MTUS2: variants seen among roughly 807,000 people sequenced by gnomAD.
MTUS2 encodes the protein microtubule-associated tumor suppressor candidate 2.
In MTUS2, 40 loss-of-function variants were observed where a neutral mutation model predicts 114.1. The ratio of observed to expected loss-of-function variants is 0.35; its 90% CI spans 0.27 to 0.46. The LOEUF (loss-of-function observed/expected upper bound fraction) is 0.46, where lower values mean the gene tolerates loss of function less well. Ranked by LOEUF, MTUS2 falls within the 20% of genes least tolerant of loss-of-function variation. MTUS2 has a pLI of 1.00. For synonymous variants in MTUS2, 688 were observed against 672.0 expected (o/e 1.02, Z -0.37); for missense variants, 1,679 against 1,705.4 (o/e 0.98, Z 0.27).
chr13:29,038,832 G>C (rs1887204602), intron 4 of MTUS2, among the ~76,000 whole-genome samples: 1 of 152,216 alleles, frequency 6.6e-6, no homozygotes, highest in Admixed American at 6.5e-5. Flanking sequence ...TGGTGGCTTT[G>C]TTTACACTGT....
At chr13:29,216,537 T>C (rs1178678086) in intron 5 of MTUS2, among the ~76,000 whole-genome samples, 1 of 152,046 alleles carries the variant, frequency 6.6e-6, no homozygotes, top group Non-Finnish European at 1.5e-5. Context: ...GGTCTGTGGG[T>C]TGAAAAAACT....
chr13:28,966,440 G>A (rs759540746), intron 2 of MTUS2, among the ~76,000 whole-genome samples: 4 of 152,010 alleles, frequency 2.6e-5, no homozygotes, highest in Admixed American at 6.6e-5. Flanking sequence ...ATTGGCTATC[G>A]GCTGGGTGCA....
intron 2 of MTUS2, among the ~76,000 whole-genome samples, chr13:28,851,838 G>T (rs1876295516): frequency 6.6e-6 from 1 of 152,100 alleles, no homozygotes; most frequent in Admixed American, 6.5e-5. Context: ...GCTTGGCCTG[G>T]GGCACCGCTT....
chr13:29,042,087 A>G (rs1223578815), intron 4 of MTUS2, among the ~76,000 whole-genome samples: 1 of 152,128 alleles, frequency 6.6e-6, no homozygotes, highest in Non-Finnish European at 1.5e-5. Flanking sequence ...ATTCAGTATA[A>G]TGTTGGCTGT....
intron 5 of MTUS2, among the ~76,000 whole-genome samples, chr13:29,113,507 G>C (rs898879464): frequency 6.6e-6 from 1 of 152,130 alleles, no homozygotes; most frequent in African/African-American, 2.4e-5. Flanking sequence ...CTCTTGATAC[G>C]GTAGCCACTA....
intron 5 of MTUS2, among the ~76,000 whole-genome samples, chr13:29,218,079 C>A (rs999088999): frequency 6.6e-6 from 1 of 151,882 alleles, no homozygotes; most frequent in Admixed American, 6.6e-5. Flanking sequence ...ATTGTGCCGT[C>A]ATACTCCAGC....
At chr13:29,478,888 G>A (rs375400170) in intron 9 of MTUS2, among the ~76,000 whole-genome samples, 8 of 152,312 alleles carry the variant, frequency 5.3e-5, no homozygotes, top group African/African-American at 1.9e-4. Context: ...CTTCACACAA[G>A]GGCAAGGTGC....
At chr13:29,231,872 A>C (rs1896338000) in intron 5 of MTUS2, among the ~76,000 whole-genome samples, 1 of 152,178 alleles carries the variant, frequency 6.6e-6, no homozygotes, top group Admixed American at 6.5e-5. Flanking sequence ...CACCTAACAT[A>C]TTTTTACATG....
At chr13:29,172,221 G>A (rs748489356) in intron 5 of MTUS2, among the ~76,000 whole-genome samples, 1 of 152,194 alleles carries the variant, frequency 6.6e-6, no homozygotes, top group Non-Finnish European at 1.5e-5. Flanking sequence ...TCAGTTTACT[G>A]AGCCTCAATC....
chr13:29,225,909 C>T (rs1165519063), intron 5 of MTUS2, among the ~76,000 whole-genome samples: 1 of 152,016 alleles, frequency 6.6e-6, no homozygotes, highest in Non-Finnish European at 1.5e-5. Context: ...AGAAATTGCG[C>T]CTTCTCTTTA....
At chr13:29,346,260 C>T (rs111828451) in intron 7 of MTUS2, among the ~76,000 whole-genome samples, 11,280 of 152,124 alleles carry the variant, frequency 0.074, 1,408 homozygotes, top group African/African-American at 0.26. Context: ...GGCCATAGAG[C>T]TCCCAAGAGA....
chr13:29,324,306 TC>T (rs958431164), intron 6 of MTUS2, among the ~76,000 whole-genome samples: 3 of 152,122 alleles, frequency 2.0e-5, no homozygotes, highest in Non-Finnish European at 4.4e-5. Flanking sequence ...AAATTTTAAT[TC>T]CCAGATAGTT....
At chr13:28,988,094 T>C (rs544443501) in intron 2 of MTUS2, among the ~76,000 whole-genome samples, 1 of 152,324 alleles carries the variant, frequency 6.6e-6, no homozygotes, top group African/African-American at 2.4e-5. Context: ...TTACAGCCAA[T>C]GTTGAAAAGG....
chr13:28,898,130 A>G (rs547736248), intron 2 of MTUS2, among the ~76,000 whole-genome samples: 1 of 152,258 alleles, frequency 6.6e-6, no homozygotes, highest in East Asian at 1.9e-4. Context: ...GAACAGCTGT[A>G]TAATTTGGAG....
chr13:29,231,603 A>G (rs1464354153), intron 5 of MTUS2, among the ~76,000 whole-genome samples: 2 of 152,222 alleles, frequency 1.3e-5, no homozygotes, highest in African/African-American at 4.8e-5. Context: ...TTACAGCTAC[A>G]TTCAATAAAC....
At chr13:29,477,215 A>C (rs1021407166) in intron 9 of MTUS2, among the ~76,000 whole-genome samples, 1 of 152,000 alleles carries the variant, frequency 6.6e-6, no homozygotes, top group Non-Finnish European at 1.5e-5. Flanking sequence ...AATTAATTTG[A>C]CTTTGTGTCA....
chr13:29,042,645 G>T (rs1157211845), intron 4 of MTUS2, among the ~76,000 whole-genome samples: 1 of 151,934 alleles, frequency 6.6e-6, no homozygotes, highest in East Asian at 1.9e-4. Flanking sequence ...CAATCTTGCT[G>T]CTTATTACTG....
chr13:28,995,617 T>A (rs1885065446), intron 2 of MTUS2, among the ~76,000 whole-genome samples: 1 of 152,142 alleles, frequency 6.6e-6, no homozygotes, highest in Non-Finnish European at 1.5e-5. Context: ...GTCCTTCACA[T>A]CCCTTGTAAG....
intron 5 of MTUS2, among the ~76,000 whole-genome samples, chr13:29,269,185 A>C (rs1461621367): frequency 1.3e-5 from 2 of 152,220 alleles, no homozygotes; most frequent in Non-Finnish European, 2.9e-5. Context: ...GTCATTCCCC[A>C]GTGCCCATTT....
Sources: allele counts gnomAD v4.1 joint callset (sites outside exome capture counted in the v4.1 genomes callset), GRCh38; gene constraint gnomAD v4.1.1; transcripts MANE v1.5; gene names NCBI Gene and HGNC (gene_info 2026-07-23, HGNC 2026-07-21).